ACSS3: variants seen among roughly 807,000 people sequenced by gnomAD.
ACSS3 encodes acyl-CoA synthetase short-chain family member 3, mitochondrial.
A neutral mutation model predicts 84.2 loss-of-function variants in ACSS3; 64 were observed. The ratio of observed to expected loss-of-function variants is 0.76; its 90% CI spans 0.62 to 0.94. The LOEUF is 0.94. Among genes scored for constraint, ACSS3 ranks in the 40% least tolerant of loss-of-function variants. The probability of loss-of-function intolerance (pLI) is 0.00; values close to 1 mark genes in which losing one functional copy is unlikely to be tolerated. For missense variants in ACSS3, 815 were observed against 867.6 expected (o/e 0.94, Z 0.76); for synonymous variants, 317 against 310.1 (o/e 1.02, Z -0.23).
chr12:81,155,824 A>G (rs1054188769), intron 7 of ACSS3, among the ~76,000 whole-genome samples: 2 of 152,212 alleles, frequency 1.3e-5, no homozygotes, highest in Non-Finnish European at 2.9e-5. Flanking sequence ...CATTAGATAC[A>G]CTTCTCTCTT....
chr12:81,146,704 T>C (rs911228212), intron 5 of ACSS3, among the ~76,000 whole-genome samples: 1 of 152,192 alleles, frequency 6.6e-6, no homozygotes, highest in Admixed American at 6.5e-5. Context: ...TGTTGTGGGC[T>C]TCTATTCTGT....
chr12:81,194,112 A>G (rs2031710678), intron 8 of ACSS3, among the ~76,000 whole-genome samples: 1 of 151,754 alleles, frequency 6.6e-6, no homozygotes, highest in South Asian at 2.1e-4. Context: ...TTGAAACAAT[A>G]GGAAGATACC....
rs978895909 is a variant in ACSS3 at position 81,256,343 on chromosome 12, T to TA, written c.*1426dup. 6.6e-6 allele frequency: 1 copy of TA among 152,196 alleles called. No individual in the cohort carries two copies. The highest frequency in any genetic ancestry group is 1.5e-5 in the Non-Finnish European group (1 of 68,020). The allele number at this position is 152,196 out of a possible 1,614,324, so 9.4% of individuals were successfully genotyped here. On this transcript the variant is annotated 3_prime_UTR_variant, in exon 16 of 16. Transcript: ENST00000548058. ...CAAAAGTATCTTTCCATTTAACTTC[T>TA]AAAAATCTCTTAAATGTTTTTTTTA...
intron 7 of ACSS3, among the ~76,000 whole-genome samples, chr12:81,174,333 A>G (rs894988270): frequency 1.3e-5 from 2 of 152,140 alleles, no homozygotes; most frequent in African/African-American, 4.8e-5. Context: ...TTTAACTGAA[A>G]AGGTCATTGC....
intron 1 of ACSS3, among the ~76,000 whole-genome samples, chr12:81,105,598 C>T (rs1882919452): frequency 6.6e-6 from 1 of 152,126 alleles, no homozygotes; most frequent in Non-Finnish European, 1.5e-5. Flanking sequence ...GTAAAAACTT[C>T]CCTAGTTACT....
intron 9 of ACSS3, among the ~76,000 whole-genome samples, chr12:81,202,832 A>G (rs2135905863): frequency 6.6e-6 from 1 of 152,318 alleles, no homozygotes; most frequent in South Asian, 2.1e-4. Flanking sequence ...CTGTGACTTG[A>G]GTTGTAAGAA....
chr12:81,225,736 G>C (rs538407185), intron 11 of ACSS3, among the ~76,000 whole-genome samples: 1 of 151,944 alleles, frequency 6.6e-6, no homozygotes, highest in East Asian at 1.9e-4. Context: ...ATCTCCACGT[G>C]TCTGTGATCA....
chr12:81,169,134 T>C (rs1475402400), intron 7 of ACSS3, among the ~76,000 whole-genome samples: 1 of 152,092 alleles, frequency 6.6e-6, no homozygotes. Flanking sequence ...TGGATTTGAG[T>C]AATGTTAGAT....
At chr12:81,193,427 T>G (rs1431079153) in intron 8 of ACSS3, among the ~76,000 whole-genome samples, 1 of 152,112 alleles carries the variant, frequency 6.6e-6, no homozygotes, top group Non-Finnish European at 1.5e-5. Flanking sequence ...GGACCAAAAT[T>G]AATTTGACAG....
chr12:81,179,513 G>A (rs1158045868), intron 8 of ACSS3, among the ~76,000 whole-genome samples: 2 of 151,764 alleles, frequency 1.3e-5, no homozygotes, highest in East Asian at 3.9e-4. Flanking sequence ...ATTAAGAAAT[G>A]GGCTCACGCT....
At chr12:81,179,271 C>CAAAAAAA (rs71098127) in intron 8 of ACSS3, among the ~76,000 whole-genome samples, 26 of 66,738 alleles carry the variant, frequency 3.9e-4, no homozygotes, top group Middle Eastern at 0.015. Flanking sequence ...AAGTAATTGC[C>CAAAAAAA]AAAAAAAAAA....
Position 81,260,571 on chromosome 12 carries a change from TA to T in ACSS3, c.*5651del, listed in dbSNP as rs1422041835. Reference sequence around the variant, plus strand: ...TAATTAGGTGCCAAATTATATACCATAATTAAAATTTTAATGTAAGGGTTGT... The same window carrying T: ...TAATTAGGTGCCAAATTATATACCATATTAAAATTTTAATGTAAGGGTTGT... On this transcript the variant is annotated 3_prime_UTR_variant, in exon 16 of 16. Transcript: ENST00000548058. 6.6e-6 allele frequency: 1 copy of T among 152,178 alleles called. No homozygotes were observed. The highest frequency in any genetic ancestry group is 1.5e-5 in the Non-Finnish European group (1 of 68,036). The allele number at this position is 152,178 out of a possible 1,614,324, so 9.4% of individuals were successfully genotyped here. A position where few individuals can be genotyped will look rare whatever the true frequency, so the allele number is the denominator to read the frequency against.
chr12:81,196,665 G>A (rs967765579), intron 8 of ACSS3, among the ~76,000 whole-genome samples: 2 of 152,056 alleles, frequency 1.3e-5, no homozygotes, highest in Non-Finnish European at 2.9e-5. Context: ...TGGGTCTGCA[G>A]ACTGTACAAG....
intron 9 of ACSS3, among the ~76,000 whole-genome samples, chr12:81,207,356 C>T (rs916514726): frequency 2.0e-5 from 3 of 152,142 alleles, no homozygotes; most frequent in Non-Finnish European, 4.4e-5. Context: ...CAGCAGGTGG[C>T]TATTCTCCTT....
At chr12:81,233,494 T>C (rs754169564) in intron 13 of ACSS3, 23 bp downstream of exon 13, 2 of 1,608,958 alleles carry the variant, frequency 1.2e-6, no homozygotes, top group East Asian at 4.5e-5. Context: ...ATTGGTATTC[T>C]ATTCCAAGTA....
chr12:81,217,592 C>G (rs1369823192), intron 10 of ACSS3, among the ~76,000 whole-genome samples: 1 of 152,126 alleles, frequency 6.6e-6, no homozygotes, highest in Non-Finnish European at 1.5e-5. Context: ...CCTGTAATCC[C>G]AGCATTTTGG....
chr12:81,099,828 T>A (rs1407161541), intron 1 of ACSS3, among the ~76,000 whole-genome samples: 3 of 152,040 alleles, frequency 2.0e-5, no homozygotes, highest in Non-Finnish European at 2.9e-5. Context: ...AAATTGGCAG[T>A]GATGAAAAAA....
chr12:81,185,787 A>G (rs1338121850), intron 8 of ACSS3, among the ~76,000 whole-genome samples: 2 of 151,830 alleles, frequency 1.3e-5, no homozygotes, highest in Non-Finnish European at 3.0e-5. Context: ...TACTATCAAG[A>G]GCAATACACA....
chr12:81,117,387 G>A (rs1362867323), intron 2 of ACSS3, among the ~76,000 whole-genome samples: 1 of 152,162 alleles, frequency 6.6e-6, no homozygotes, highest in Non-Finnish European at 1.5e-5. Flanking sequence ...GCTAGAGAGG[G>A]ACTTCGCCTG....
Sources: allele counts gnomAD v4.1 joint callset (sites outside exome capture counted in the v4.1 genomes callset), GRCh38; gene constraint gnomAD v4.1.1; transcripts MANE v1.5; gene names NCBI Gene and HGNC (gene_info 2026-07-23, HGNC 2026-07-21).